The following ADAMTS19 variants were observed in gnomAD, a reference collection of about 807,000 sequenced individuals.
ADAMTS19 encodes ADAM metallopeptidase with thrombospondin type 1 motif 19, also known as A disintegrin and metalloproteinase with thrombospondin motifs 19.
ADAMTS19 carries 93 observed loss-of-function variants against 153.3 expected under a neutral mutation model. The observed-to-expected ratio is 0.61, with a 90% confidence interval of 0.51 to 0.72. The LOEUF (loss-of-function observed/expected upper bound fraction) is 0.72, where lower values mean the gene tolerates loss of function less well. Among genes scored for constraint, ADAMTS19 ranks in the 30% least tolerant of loss-of-function variants. ADAMTS19 has a pLI of 0.00. For synonymous variants in ADAMTS19, 600 were observed against 556.6 expected (o/e 1.08, Z -1.10); for missense variants, 1,482 against 1,552.1 (o/e 0.95, Z 0.76).
chr5:129,561,768 A>G (rs1044376619), intron 7 of ADAMTS19, among the ~76,000 whole-genome samples: 1 of 152,060 alleles, frequency 6.6e-6, no homozygotes, highest in African/African-American at 2.4e-5. Context: ...ATTGGAATAT[A>G]TTAGTTCACT....
chr5:129,496,406 A>T (rs751191055), intron 2 of ADAMTS19, among the ~76,000 whole-genome samples: 3 of 152,142 alleles, frequency 2.0e-5, no homozygotes, highest in Non-Finnish European at 2.9e-5. Flanking sequence ...TGTTGAATAC[A>T]TTATTGTATT....
At chr5:129,507,574 C>G (rs1751305202) in intron 2 of ADAMTS19, among the ~76,000 whole-genome samples, 1 of 151,592 alleles carries the variant, frequency 6.6e-6, no homozygotes, top group African/African-American at 2.4e-5. Flanking sequence ...ATATTTGGCC[C>G]ACATATGTGT....
chr5:129,563,976 G>A (rs1753613719), intron 7 of ADAMTS19, among the ~76,000 whole-genome samples: 1 of 151,966 alleles, frequency 6.6e-6, no homozygotes, highest in Non-Finnish European at 1.5e-5. Flanking sequence ...CTGGAGTGCA[G>A]TGGCGCAATC....
At chr5:129,723,253 T>C (rs1457926141) in intron 21 of ADAMTS19, among the ~76,000 whole-genome samples, 1 of 152,294 alleles carries the variant, frequency 6.6e-6, no homozygotes, top group African/African-American at 2.4e-5. Flanking sequence ...TTGCTTATAC[T>C]TCCCCCAGGT....
intron 7 of ADAMTS19, among the ~76,000 whole-genome samples, chr5:129,553,016 T>C (rs1753184855): frequency 6.6e-6 from 1 of 152,094 alleles, no homozygotes; most frequent in Non-Finnish European, 1.5e-5. Context: ...TTGACTCTCT[T>C]GCCTGCTTCC....
chr5:129,605,226 G>T (rs764094017), intron 8 of ADAMTS19, among the ~76,000 whole-genome samples: 2 of 152,084 alleles, frequency 1.3e-5, no homozygotes, highest in African/African-American at 2.4e-5. Context: ...TCTTTACTCA[G>T]AACCTTCCAA....
intron 6 of ADAMTS19, among the ~76,000 whole-genome samples, chr5:129,532,148 C>T (rs1752230205): frequency 1.3e-5 from 2 of 151,826 alleles, no homozygotes; most frequent in African/African-American, 4.8e-5. Flanking sequence ...GAAATATTGA[C>T]AATCATCTGG....
chr5:129,520,597 AATAATT>A (rs1337713806), intron 3 of ADAMTS19, among the ~76,000 whole-genome samples: 2 of 152,178 alleles, frequency 1.3e-5, no homozygotes, highest in Admixed American at 1.3e-4. Context: ...TTATTTGGAC[AATAATT>A]ATTCAGAGTC....
intron 2 of ADAMTS19, among the ~76,000 whole-genome samples, chr5:129,493,350 G>T (rs1239327983): frequency 6.9e-6 from 1 of 144,168 alleles, no homozygotes; most frequent in African/African-American, 2.7e-5. Context: ...TTCTCTACTT[G>T]TTTTTATTTT....
chr5:129,467,982 A>T (rs1749928746), intron 2 of ADAMTS19, among the ~76,000 whole-genome samples: 1 of 152,260 alleles, frequency 6.6e-6, no homozygotes, highest in Non-Finnish European at 1.5e-5. Context: ...TATTACCACA[A>T]TTGAGTGTGT....
rs10553150 is a variant in ADAMTS19, at chr5:129,552,299, CTG to C, written c.1372+396_1372+397del. 9.7e-3 allele frequency among the ~76,000 whole-genome samples: 1,467 copies of C among 151,926 alleles called. 16 individuals carry two copies. The highest frequency in any genetic ancestry group is 0.033 in the African/African-American group (1,354 of 41,506). ...ATGTATGCTTAAAGACCTTCGCAGACTGTGTCGAAATAAACTGCTAGATTCAG... is the reference window on the plus strand; with the variant it reads ...ATGTATGCTTAAAGACCTTCGCAGACTGTCGAAATAAACTGCTAGATTCAG... On this transcript the variant is annotated intron_variant, in intron 7 of 22. Coordinates refer to ENST00000274487, the MANE Select transcript of ADAMTS19 (RefSeq NM_133638.6).
chr5:129,466,610 A>G (rs867109856), intron 2 of ADAMTS19, among the ~76,000 whole-genome samples: 1 of 152,196 alleles, frequency 6.6e-6, no homozygotes. Context: ...AGAACACAAT[A>G]CAAGGGCCAA....
intron 2 of ADAMTS19, among the ~76,000 whole-genome samples, chr5:129,483,638 C>T (rs1415161614): frequency 1.3e-5 from 2 of 152,154 alleles, no homozygotes; most frequent in Non-Finnish European, 2.9e-5. Flanking sequence ...GTCAGATATA[C>T]TACTACATGA....
chr5:129,681,172 G>T (rs1754793567), intron 17 of ADAMTS19, among the ~76,000 whole-genome samples: 1 of 152,154 alleles, frequency 6.6e-6, no homozygotes, highest in Non-Finnish European at 1.5e-5. Flanking sequence ...TGGCCTATTT[G>T]CTTCTACTAC....
chr5:129,510,856 G>GATATATATATATATAT (rs60233609), intron 3 of ADAMTS19, among the ~76,000 whole-genome samples: 20 of 141,146 alleles, frequency 1.4e-4, no homozygotes, highest in East Asian at 6.3e-4. Flanking sequence ...AAGTTTCTGA[G>GATATATATATATATAT]ATATATATAT....
intron 2 of ADAMTS19, among the ~76,000 whole-genome samples, chr5:129,471,644 C>A (rs1394582512): frequency 1.3e-5 from 2 of 152,034 alleles, no homozygotes; most frequent in Non-Finnish European, 2.9e-5. Context: ...CAAATTATTT[C>A]ATCACCCAGA....
At chr5:129,582,922 A>G (rs1749594699) in intron 7 of ADAMTS19, among the ~76,000 whole-genome samples, 1 of 152,018 alleles carries the variant, frequency 6.6e-6, no homozygotes, top group Non-Finnish European at 1.5e-5. Flanking sequence ...TAAAGTTAGT[A>G]TTGTTATGTG....
At chr5:129,711,164 A>G (rs1756441930) in intron 21 of ADAMTS19, among the ~76,000 whole-genome samples, 1 of 152,226 alleles carries the variant, frequency 6.6e-6, no homozygotes, top group Non-Finnish European at 1.5e-5. Flanking sequence ...AAGGATACTT[A>G]TTTAAATTTA....
At chr5:129,463,928 A>G (rs1749772215) in intron 2 of ADAMTS19, among the ~76,000 whole-genome samples, 1 of 152,256 alleles carries the variant, frequency 6.6e-6, no homozygotes, top group African/African-American at 2.4e-5. Flanking sequence ...TGACACAAGT[A>G]GTCACAAGAC....
Sources: gnomAD v4.1 joint callset for allele counts (sites outside exome capture counted in the v4.1 genomes callset) on GRCh38, gnomAD v4.1.1 for gene constraint, MANE v1.5 for transcripts, NCBI Gene and HGNC (gene_info 2026-07-23, HGNC 2026-07-21) for gene names.